DYRK1A: variants seen among roughly 807,000 people sequenced by gnomAD.
The protein encoded by DYRK1A is dual specificity tyrosine phosphorylation regulated kinase 1A, also known as dual specificity tyrosine-phosphorylation-regulated kinase 1A.
In DYRK1A, 9 loss-of-function variants were observed where a neutral mutation model predicts 79.7. That is an observed-to-expected ratio of 0.11 (90% CI 0.07 to 0.20). The LOEUF is 0.20. Among genes scored for constraint, DYRK1A ranks in the 10% least tolerant of loss-of-function variants. The pLI is 1.00. For synonymous variants in DYRK1A, 349 were observed against 329.7 expected, an observed-to-expected ratio of 1.06 and a Z score of -0.63; for missense variants, 622 against 956.0, an observed-to-expected ratio of 0.65 and a Z score of 4.61.
chr21:37,521,355 T>C lies in DYRK1A; in HGVS notation c.*8824T>C, dbSNP rs1177111013. On this transcript the variant is annotated 3_prime_UTR_variant, in exon 12 of 12. Transcript: ENST00000647188. Reference sequence around the variant, plus strand: ...CAATCAGTACTAACCCTGGAAACAATTTAAAAATGAACAAAAAGTCCTACC... The same window carrying C: ...CAATCAGTACTAACCCTGGAAACAACTTAAAAATGAACAAAAAGTCCTACC... 3 of 152,228 alleles carry C rather than the reference T, an allele frequency of 2.0e-5. No individual in the cohort carries two copies. The East Asian group carries it at 5.8e-4, about 29-fold the overall frequency. The allele number at this position is 152,228 out of a possible 1,614,324, so 9.4% of individuals were successfully genotyped here.
chr21:37,439,118 A>G (rs2051013213), intron 2 of DYRK1A, among the ~76,000 whole-genome samples: 1 of 152,242 alleles, frequency 6.6e-6, no homozygotes. Flanking sequence ...ACATAGAAAT[A>G]CAATTGATAT....
chr21:37,486,857 T>G (rs138640018), intron 6 of DYRK1A: 89 of 313,740 alleles, frequency 2.8e-4, no homozygotes, highest in African/African-American at 3.8e-4. Context: ...GTGTGTGTGT[T>G]TTTTATTTGC....
chr21:37,379,681 T>A (rs1306475877), intron 1 of DYRK1A, among the ~76,000 whole-genome samples: 1 of 152,238 alleles, frequency 6.6e-6, no homozygotes, highest in African/African-American at 2.4e-5. Context: ...AAAGGTTGTA[T>A]CATAATTCAT....
chr21:37,493,347 A>G lies in DYRK1A; in HGVS notation c.1071+184A>G, dbSNP rs928183034. ...TGTCATGTAAGTTTAGAATTATGAG[A>G]TAGGAGTAGGATATTTTAATCTACT... On this transcript the variant is annotated intron_variant, in intron 8 of 11. Transcript: ENST00000647188. 2.6e-5 allele frequency among the ~76,000 whole-genome samples: 4 copies of G among 152,232 alleles called. No homozygotes were observed. In the East Asian group the frequency reaches 5.8e-4, roughly 22 times the overall value.
In DYRK1A at chr21:37,480,810, A is replaced by G. The variant is rs1456204748; in HGVS notation, c.473A>G (p.Lys158Arg). Residue 158 changes from lysine to arginine, a missense_variant, in exon 5 of 12, where the codon AAA becomes AGA. By Grantham distance (26) the Lys-to-Arg change is conservative. Around this residue, in one of 5 missense-constraint regions of DYRK1A, gnomAD observed 138 missense variants for 346.4 expected, o/e 0.40. Coordinates refer to ENST00000647188, the MANE Select transcript of DYRK1A (RefSeq NM_001347721.2). ...TACGAAATTGACTCCTTGATAGGCA[A>G]AGGTTCCTTTGGACAGGTAATTTAA... is the stretch of plus-strand genomic sequence containing the variant. ...DRYEIDSLIGKGSFGQVVKAY... is the reference protein window; with the variant it reads ...DRYEIDSLIGRGSFGQVVKAY... 1.2e-5 allele frequency: 20 copies of G among 1,602,874 alleles called. No homozygotes were observed. The highest frequency in any genetic ancestry group is 1.7e-5 in the Admixed American group (1 of 57,536).
At chr21:37,410,017 A>T (rs2050214872) in intron 1 of DYRK1A, among the ~76,000 whole-genome samples, 1 of 152,230 alleles carries the variant, frequency 6.6e-6, no homozygotes, top group African/African-American at 2.4e-5. Context: ...GAGATTGAAC[A>T]TGAAGCAGAA....
upstream of DYRK1A, among the ~76,000 whole-genome samples, chr21:37,366,439 G>A (rs1468276371): frequency 1.4e-4 from 20 of 147,400 alleles, no homozygotes; most frequent in Middle Eastern, 3.5e-3. Context: ...GGGAGGCGGC[G>A]GGCGATCGCG....
chr21:37,405,429 C>G (rs1483951037), intron 1 of DYRK1A, among the ~76,000 whole-genome samples: 4 of 152,170 alleles, frequency 2.6e-5, no homozygotes, highest in African/African-American at 9.7e-5. Context: ...GTGAGACTTG[C>G]TTGATTATTT....
At chr21:37,479,409 A>G (rs1033647649) in intron 4 of DYRK1A, among the ~76,000 whole-genome samples, 13 of 152,274 alleles carry the variant, frequency 8.5e-5, no homozygotes, top group Middle Eastern at 6.8e-3. Flanking sequence ...TGTTGTTAAC[A>G]GTAGCTTTCT....
chr21:37,424,498 A>T (rs936815114), intron 2 of DYRK1A, among the ~76,000 whole-genome samples: 1 of 152,060 alleles, frequency 6.6e-6, no homozygotes, highest in African/African-American at 2.4e-5. Flanking sequence ...CATTTTGAAT[A>T]TTCAGGATGA....
At position 37,519,736 on chromosome 21, in the gene DYRK1A, G is replaced by GTTTTTTTTGTTTTTGTTT; in HGVS notation, c.*7213_*7214insGTTTTTGTTTTTTTTTTT. 2 of 85,800 alleles carry GTTTTTTTTGTTTTTGTTT rather than the reference G, an allele frequency of 2.3e-5. No individual in the cohort carries two copies. The highest frequency in any genetic ancestry group is 9.7e-5 in the African/African-American group (2 of 20,612). The allele number at this position is 85,800 out of a possible 1,614,324, so 5.3% of individuals were successfully genotyped here. A position where few individuals can be genotyped will look rare whatever the true frequency, so the allele number is the denominator to read the frequency against. On this transcript the variant is annotated 3_prime_UTR_variant, in exon 12 of 12. Coordinates refer to ENST00000647188, the MANE Select transcript of DYRK1A (RefSeq NM_001347721.2). The stretch of plus-strand genomic sequence containing the variant: ...AGAGTTTTGAGGTTTGTTGTGGGAA[G>GTTTTTTTTGTTTTTGTTT]TTTTTTTTTTTTTTTTTTTTTTTGA...
At chr21:37,415,075 ATTTCCCTCCTG>A (rs2050311643) in intron 1 of DYRK1A, among the ~76,000 whole-genome samples, 1 of 152,038 alleles carries the variant, frequency 6.6e-6, no homozygotes, top group Non-Finnish European at 1.5e-5. Flanking sequence ...CATATGAGGC[ATTTCCCTCCTG>A]TTTTCCTCTA....
chr21:37,454,950 G>C (rs1029204511), intron 2 of DYRK1A, among the ~76,000 whole-genome samples: 2 of 151,230 alleles, frequency 1.3e-5, no homozygotes, highest in Admixed American at 1.3e-4. Flanking sequence ...TGAGTGTGCT[G>C]TGCTCAGCCA....
intron 1 of DYRK1A, among the ~76,000 whole-genome samples, chr21:37,369,809 G>C (rs1370109238): frequency 1.3e-5 from 2 of 152,336 alleles, no homozygotes; most frequent in East Asian, 3.9e-4. Context: ...TGAGATCTAA[G>C]TATAAGATCA....
At chr21:37,432,889 T>C (rs908526918) in intron 2 of DYRK1A, among the ~76,000 whole-genome samples, 3 of 150,992 alleles carry the variant, frequency 2.0e-5, no homozygotes, top group African/African-American at 7.3e-5. Flanking sequence ...GGCAGGAGAA[T>C]AGCTTGAACC....
At chr21:37,476,453 T>C (rs1352863691) in intron 3 of DYRK1A, among the ~76,000 whole-genome samples, 1 of 152,244 alleles carries the variant, frequency 6.6e-6, no homozygotes, top group East Asian at 1.9e-4. Context: ...TAATGAAGCA[T>C]TGCACTGATT....
Position 37,526,054 on chromosome 21 carries a change from A to G in DYRK1A, c.*13523A>G, listed in dbSNP as rs2053965839. ...GATTTCAAGAAGAACTATTGTTTGAATCACAACTAATGTTACTGCTTTAAG... is the reference window on the plus strand; with the variant it reads ...GATTTCAAGAAGAACTATTGTTTGAGTCACAACTAATGTTACTGCTTTAAG... On this transcript the variant is annotated 3_prime_UTR_variant, in exon 12 of 12. Coordinates refer to ENST00000647188, the MANE Select transcript of DYRK1A (RefSeq NM_001347721.2). 1 of 152,238 alleles carries G rather than the reference A, an allele frequency of 6.6e-6. No individual in the cohort carries two copies. The highest frequency in any genetic ancestry group is 2.1e-4 in the South Asian group (1 of 4,834). 9.4% of individuals were successfully genotyped at this position (152,238 alleles called of 1,614,324 possible). A position where few individuals can be genotyped will look rare whatever the true frequency, so the allele number is the denominator to read the frequency against.
At chr21:37,366,682 G>A (rs537826602), upstream of DYRK1A, among the ~76,000 whole-genome samples, 1 of 151,800 alleles carries the variant, frequency 6.6e-6, no homozygotes, top group African/African-American at 2.4e-5. Context: ...CTGAGCAACA[G>A]GCCCCGCCCG....
chr21:37,414,094 G>T (rs976105904), intron 1 of DYRK1A, among the ~76,000 whole-genome samples: 14 of 152,030 alleles, frequency 9.2e-5, no homozygotes, highest in African/African-American at 3.4e-4. Context: ...TATATTTAAG[G>T]AGCAGAGATT....
Sources: allele counts gnomAD v4.1 joint callset (sites outside exome capture counted in the v4.1 genomes callset), GRCh38; gene constraint gnomAD v4.1.1; regional missense constraint gnomAD v4.1.1; transcripts MANE v1.5; gene names NCBI Gene and HGNC (gene_info 2026-07-23, HGNC 2026-07-21).